The following HDAC9 variants were observed in gnomAD, a reference collection of about 807,000 sequenced individuals.
The protein encoded by HDAC9 is histone deacetylase 9, also known as MEF-2 interacting transcription repressor (MITR) protein.
HDAC9 carries 41 observed loss-of-function variants against 139.4 expected under a neutral mutation model. That is an observed-to-expected ratio of 0.29 (90% confidence interval 0.23 to 0.38). HDAC9 has a LOEUF of 0.38. Ranked by LOEUF, HDAC9 falls within the 10% of genes least tolerant of loss-of-function variation. HDAC9 has a pLI of 1.00. For missense variants in HDAC9, 1,147 were observed against 1,297.0 expected, an observed-to-expected ratio of 0.88 and a Z score of 1.78; for synonymous variants, 517 against 476.2, an observed-to-expected ratio of 1.09 and a Z score of -1.12.
chr7:18,613,422 G>C (rs1837714415), intron 6 of HDAC9, among the ~76,000 whole-genome samples: 1 of 152,008 alleles, frequency 6.6e-6, no homozygotes, highest in Admixed American at 6.6e-5. Context: ...CGGATTAAGG[G>C]ACATTTTTGC....
At chr7:18,441,104 C>T (rs994942734) in intron 1 of HDAC9, among the ~76,000 whole-genome samples, 4 of 152,152 alleles carry the variant, frequency 2.6e-5, no homozygotes, top group African/African-American at 9.7e-5. Context: ...ATATCAAATT[C>T]TCATAAAAGC....
At chr7:18,092,402 T>TC (rs1056450435) in intron 1 of HDAC9, among the ~76,000 whole-genome samples, 1 of 150,150 alleles carries the variant, frequency 6.7e-6, no homozygotes, top group African/African-American at 2.5e-5. Context: ...TTTCTTTCTT[T>TC]TTTTTTTTTT....
intron 1 of HDAC9, among the ~76,000 whole-genome samples, chr7:18,463,747 A>G (rs571894311): frequency 6.6e-6 from 1 of 151,912 alleles, no homozygotes; most frequent in East Asian, 1.9e-4. Flanking sequence ...TCCTCTCAGC[A>G]TATTATGCTT....
chr7:18,918,827 G>A (rs1368253220), intron 22 of HDAC9, among the ~76,000 whole-genome samples: 2 of 152,010 alleles, frequency 1.3e-5, no homozygotes, highest in Non-Finnish European at 2.9e-5. Context: ...ATTAATGAGA[G>A]TTCTCCTGTT....
chr7:18,928,836 TTATC>T (rs1397051437), intron 22 of HDAC9, among the ~76,000 whole-genome samples: 7 of 148,702 alleles, frequency 4.7e-5, no homozygotes, highest in Non-Finnish European at 1.1e-4. Context: ...TTTTATTTAT[TTATC>T]AAATAAAAGA....
chr7:18,148,550 G>A (rs778720782), intron 1 of HDAC9, among the ~76,000 whole-genome samples: 3 of 152,090 alleles, frequency 2.0e-5, no homozygotes, highest in Admixed American at 6.5e-5. Flanking sequence ...TCCGCCTCCC[G>A]GGCTCATGCG....
Position 18,998,263 on chromosome 7 carries a change from G to A in HDAC9, c.*2201G>A, listed in dbSNP as rs1292891181. On this transcript the variant is annotated 3_prime_UTR_variant, in exon 26 of 26. Transcript: ENST00000686413. ...TTGTTGAATAAGAAAATAAAACAGT[G>A]TAATGCAAACATGCTAATTTACTAA... The A allele has an allele frequency of 6.6e-6, 1 of 152,106 alleles. No homozygotes were observed. Among genetic ancestry groups the A allele is most frequent in the South Asian group, 2.1e-4 (1 of 4,834 alleles). 9.4% of individuals were successfully genotyped at this position (152,106 alleles called of 1,614,324 possible).
At chr7:18,995,012 G>A (rs779840015) in intron 25 of HDAC9, among the ~76,000 whole-genome samples, 4 of 152,156 alleles carry the variant, frequency 2.6e-5, no homozygotes, top group Non-Finnish European at 5.9e-5. Flanking sequence ...ATGAGTTTAT[G>A]CATGTTAGAC....
intron 2 of HDAC9, among the ~76,000 whole-genome samples, chr7:18,182,125 C>A (rs762542781): frequency 5.3e-5 from 8 of 152,160 alleles, no homozygotes; most frequent in Admixed American, 2.6e-4. Context: ...GGCACCAATT[C>A]TCTCTCCTTT....
chr7:18,421,746 C>G lies in HDAC9; in HGVS notation c.-41-74516C>G, dbSNP rs73682180. 4.2e-3 allele frequency among the ~76,000 whole-genome samples: 646 copies of G among 152,302 alleles called. 5 individuals carry two copies. The highest frequency in any genetic ancestry group is 0.015 in the African/African-American group (612 of 41,562). ...AAGCATTTAGCTCCCCCAAAACAGT[C>G]TCTTAACCTTAGCTCACCACGTGAT... is the stretch of plus-strand genomic sequence containing the variant. On this transcript the variant is annotated intron_variant, in intron 1 of 3. Coordinates refer to the HDAC9 transcript ENST00000413509.
intron 2 of HDAC9, among the ~76,000 whole-genome samples, chr7:18,522,541 C>T (rs1323409983): frequency 6.8e-6 from 1 of 146,468 alleles, no homozygotes; most frequent in African/African-American, 2.5e-5. Flanking sequence ...TTAGCTTCTA[C>T]ATCATAAAGC....
chr7:18,380,285 A>C (rs1036585267), intron 1 of HDAC9, among the ~76,000 whole-genome samples: 31 of 152,338 alleles, frequency 2.0e-4, no homozygotes, highest in African/African-American at 7.2e-4. Context: ...ATAAGACAAA[A>C]AAGCATTACA....
At position 18,165,153 on chromosome 7, in the gene HDAC9, A is replaced by C. The variant is rs927090823; in HGVS notation, c.25+2804A>C. ...ATTTTTATCAGAATTGCCAAATCTCAGAAGGAAGGATTTTAGGACTTATCT... is the reference window on the plus strand; with the variant it reads ...ATTTTTATCAGAATTGCCAAATCTCCGAAGGAAGGATTTTAGGACTTATCT... On this transcript the variant is annotated intron_variant, in intron 2 of 12. Coordinates refer to the HDAC9 transcript ENST00000417496. Among the ~76,000 whole-genome samples the C allele has an allele frequency of 4.6e-5, 7 of 152,324 alleles. No individual in the cohort carries two copies. In the East Asian group the frequency reaches 1.4e-3, roughly 29 times the overall value.
At chr7:18,576,081 G>A (rs1051981660) in intron 2 of HDAC9, among the ~76,000 whole-genome samples, 2 of 152,204 alleles carry the variant, frequency 1.3e-5, no homozygotes, top group African/African-American at 4.8e-5. Flanking sequence ...AGAGAAATGT[G>A]TTGGTATTGG....
intron 21 of HDAC9, among the ~76,000 whole-genome samples, chr7:18,859,908 GAATTT>G (rs1171076875): frequency 1.4e-5 from 2 of 141,246 alleles, no homozygotes; most frequent in African/African-American, 5.2e-5. Flanking sequence ...TTGGAATACT[GAATTT>G]AATTTTTAGC....
intron 2 of HDAC9, among the ~76,000 whole-genome samples, chr7:18,206,894 A>T (rs1050847085): frequency 6.7e-6 from 1 of 148,176 alleles, no homozygotes; most frequent in East Asian, 2.0e-4. Flanking sequence ...TCATTTATGT[A>T]TTGCCTCATT....
Position 18,784,965 on chromosome 7 carries a change from GTGTGTGTGTC to G in HDAC9, c.2215-8371_2215-8362del, listed in dbSNP as rs1418298424. Among the ~76,000 whole-genome samples, 16 of 151,094 alleles carry G rather than the reference GTGTGTGTGTC, an allele frequency of 1.1e-4. 1 individual carries two copies. In the South Asian group the frequency reaches 1.5e-3, roughly 14 times the overall value. ...TGCTTGTGTGTGTGTGTGTGTGTGT[GTGTGTGTGTC>G]TGTGTGTGCATGTGTGTGTTTTGTA... is the stretch of plus-strand genomic sequence containing the variant. On this transcript the variant is annotated intron_variant, in intron 16 of 25. Coordinates refer to ENST00000686413, the MANE Select transcript of HDAC9 (RefSeq NM_178425.4).
chr7:18,980,290 GAAAC>G (rs1369273642), intron 25 of HDAC9, among the ~76,000 whole-genome samples: 2 of 152,062 alleles, frequency 1.3e-5, no homozygotes, highest in African/African-American at 4.8e-5. Context: ...TTTGAAAAAA[GAAAC>G]AAAATTGAAT....
At chr7:18,956,655 C>G (rs554797919) in intron 24 of HDAC9, among the ~76,000 whole-genome samples, 1 of 152,156 alleles carries the variant, frequency 6.6e-6, no homozygotes, top group Non-Finnish European at 1.5e-5. Context: ...CACATCTACT[C>G]AAAAGGAGTC....
Sources: allele counts gnomAD v4.1 joint callset (sites outside exome capture counted in the v4.1 genomes callset), GRCh38; gene constraint gnomAD v4.1.1; transcripts MANE v1.5; gene names NCBI Gene and HGNC (gene_info 2026-07-23, HGNC 2026-07-21).